Variants in CSMD2 observed in about 807,000 individuals in gnomAD.
The protein encoded by CSMD2 is CUB and Sushi multiple domains 2.
A neutral mutation model predicts 398.5 loss-of-function variants in CSMD2; 130 were observed. That is an observed-to-expected ratio of 0.33 (90% confidence interval 0.28 to 0.38). The LOEUF (loss-of-function observed/expected upper bound fraction) is 0.38, where lower values mean the gene tolerates loss of function less well. CSMD2 is among the 10% of genes least tolerant of loss of function. The probability of loss-of-function intolerance (pLI) is 1.00; values close to 1 mark genes in which losing one functional copy is unlikely to be tolerated. For synonymous variants in CSMD2, 1,828 were observed against 1,908.5 expected (o/e 0.96, Z 1.10); for missense variants, 3,829 against 4,764.9 (o/e 0.80, Z 5.78).
At chr1:33,990,555 C>T (rs1013533365) in intron 3 of CSMD2, among the ~76,000 whole-genome samples, 1 of 152,128 alleles carries the variant, frequency 6.6e-6, no homozygotes, top group Non-Finnish European at 1.5e-5. Context: ...CTCTTTGCTG[C>T]TCTGGGGCTG....
At chr1:33,963,766 T>C (rs1570647995) in intron 3 of CSMD2, among the ~76,000 whole-genome samples, 1 of 152,388 alleles carries the variant, frequency 6.6e-6, no homozygotes, top group East Asian at 1.9e-4. Context: ...TGCATAGTAT[T>C]CCACTGAAGG....
intron 1 of CSMD2, among the ~76,000 whole-genome samples, chr1:34,139,563 G>A (rs184623570): frequency 1.3e-5 from 2 of 152,246 alleles, no homozygotes; most frequent in Non-Finnish European, 2.9e-5. Context: ...GATTTTTGTG[G>A]TAATTATGTT....
intron 10 of CSMD2, 115 bp downstream of exon 10, chr1:33,810,628 A>T: frequency 9.4e-7 from 1 of 1,062,644 alleles, no homozygotes; most frequent in Non-Finnish European, 1.4e-6. Context: ...AAGTAAAAGA[A>T]CTGTCTGCAG....
chr1:33,878,314 C>G (rs1640986985), intron 5 of CSMD2: 1 of 152,254 alleles, frequency 6.6e-6, no homozygotes, highest in Non-Finnish European at 1.5e-5. Context: ...TGTGAGCAAC[C>G]ACACTTCCCC....
At chr1:34,081,134 A>C (rs916933646) in intron 2 of CSMD2, among the ~76,000 whole-genome samples, 2 of 152,146 alleles carry the variant, frequency 1.3e-5, no homozygotes, top group African/African-American at 2.4e-5. Context: ...CACACACACA[A>C]AAATGATTCA....
At chr1:33,697,510 G>C (rs538676482) in intron 24 of CSMD2, among the ~76,000 whole-genome samples, 2 of 152,198 alleles carry the variant, frequency 1.3e-5, no homozygotes, top group Non-Finnish European at 2.9e-5. Context: ...TAAAGATCCT[G>C]TGAAAATGTA....
chr1:34,146,525 G>A (rs1639780572), intron 1 of CSMD2, among the ~76,000 whole-genome samples: 1 of 152,296 alleles, frequency 6.6e-6, no homozygotes, highest in African/African-American at 2.4e-5. Flanking sequence ...ACAGATGTGG[G>A]AGGCCATAGC....
intron 49 of CSMD2, among the ~76,000 whole-genome samples, chr1:33,576,698 T>C (rs1638265484): frequency 6.6e-6 from 1 of 152,222 alleles, no homozygotes; most frequent in Non-Finnish European, 1.5e-5. Flanking sequence ...TGATCCTATT[T>C]TTATAATCAA....
chr1:33,678,877 A>G (rs1480180387), intron 25 of CSMD2, among the ~76,000 whole-genome samples: 3 of 152,220 alleles, frequency 2.0e-5, no homozygotes, highest in East Asian at 3.8e-4. Flanking sequence ...GTTATTTTCT[A>G]AAGTGGAAAA....
intron 17 of CSMD2, 68 bp downstream of exon 17, chr1:33,725,281 A>G (rs1557794941): frequency 4.5e-6 from 6 of 1,334,582 alleles, no homozygotes; most frequent in Non-Finnish European, 5.4e-6. Flanking sequence ...GGTGGAGCAC[A>G]GTCCTGAGGC....
chr1:33,614,573 G>A lies in CSMD2; in HGVS notation c.6064C>T (p.Pro2022Ser). The change falls in exon 40 of 71, where the codon CCC (proline) becomes TCC (serine). Residue 2022 changes from proline to serine, a missense_variant. This residue lies in a region of CSMD2 where 2,001 missense variants were observed against 2,567.1 expected (regional missense o/e 0.78). Transcript: ENST00000373381. Reference protein sequence around the residue: ...VEEMEGVILSPGFPGNYPSNM... With the variant: ...VEEMEGVILSSGFPGNYPSNM... The stretch of plus-strand genomic sequence containing the variant: ...CTGGGGTAGTTGCCTGGGAAGCCGG[G>A]GCTCAGGATCACCCCCTCCATCTCC... 6.2e-7 allele frequency: 1 copy of A among 1,613,178 alleles called. No homozygotes were observed. Among genetic ancestry groups the A allele is most frequent in the Non-Finnish European group, 8.5e-7 (1 of 1,179,392 alleles).
At chr1:33,662,834 G>A (rs1281899597) in intron 26 of CSMD2, 56 bp downstream of exon 26, 8 of 1,478,998 alleles carry the variant, frequency 5.4e-6, no homozygotes, top group Non-Finnish European at 6.6e-6. Flanking sequence ...CCAGAGGAAG[G>A]TGGGTGCCAT....
At chr1:33,966,723 C>T (rs1053443870) in intron 3 of CSMD2, among the ~76,000 whole-genome samples, 2 of 152,128 alleles carry the variant, frequency 1.3e-5, no homozygotes, top group African/African-American at 4.8e-5. Flanking sequence ...TGTTTGAAAA[C>T]AAGAAAAAGA....
intron 13 of CSMD2, among the ~76,000 whole-genome samples, chr1:33,756,520 G>C (rs1244047266): frequency 1.3e-5 from 2 of 152,240 alleles, no homozygotes; most frequent in African/African-American, 4.8e-5. Flanking sequence ...GTGGTCTGAT[G>C]ATAAGGAACC....
chr1:34,108,272 T>C (rs1477278266), intron 1 of CSMD2, among the ~76,000 whole-genome samples: 2 of 151,174 alleles, frequency 1.3e-5, no homozygotes, highest in Non-Finnish European at 2.9e-5. Flanking sequence ...AAAACCCTAA[T>C]GAGAGAGAGA....
chr1:33,714,651 G>A lies in CSMD2; in HGVS notation c.3342C>T (p.Thr1114=), dbSNP rs760608600. The A allele has an allele frequency of 5.6e-5, 91 of 1,613,956 alleles. 1 individual carries two copies. In the Middle Eastern group the frequency reaches 6.6e-4, roughly 12 times the overall value. ...SCFPGYRLEG[T]ARITCLGGRR... is the part of the protein sequence containing the mutation. ...TGCCCCCCAGGCACGTGATGCGGGC[G>A]GTGCCCTCCAGACGGTACCCGGGGA... Residue 1114 remains threonine, a synonymous_variant, in exon 21 of 71, where the codon ACC becomes ACT. Transcript: ENST00000373381.
Position 33,580,832 on chromosome 1 carries a change from G to C in CSMD2, c.7308C>G (p.Thr2436=), listed in dbSNP as rs1397426342. The C allele has an allele frequency of 6.2e-7, 1 of 1,614,168 alleles. No homozygotes were observed. The change falls in exon 48 of 71, where the codon ACC becomes ACG. Residue 2436 remains threonine (T), a synonymous_variant. Coordinates refer to ENST00000373381, the MANE Select transcript of CSMD2 (RefSeq NM_001281956.2). ...SGNYSAPLIV[T]SSSNSVYLRW... ...GCAGGTACACAGAGTTGCTTGAGCTGGTGACAATCAGGGGAGCTGAGTAAT... is the reference window on the plus strand; with the variant it reads ...GCAGGTACACAGAGTTGCTTGAGCTCGTGACAATCAGGGGAGCTGAGTAAT...
chr1:33,826,043 C>G (rs747610387), intron 6 of CSMD2, among the ~76,000 whole-genome samples: 6 of 152,182 alleles, frequency 3.9e-5, no homozygotes, highest in Non-Finnish European at 8.8e-5. Flanking sequence ...GGGACTCCCC[C>G]GGTGGCCTCT....
At chr1:34,081,612 G>T (rs866284377) in intron 2 of CSMD2, among the ~76,000 whole-genome samples, 8 of 152,134 alleles carry the variant, frequency 5.3e-5, no homozygotes, top group Admixed American at 4.6e-4. Context: ...TGGAGACGGG[G>T]TTTCGCCGTG....
Sources: allele counts gnomAD v4.1 joint callset (sites outside exome capture counted in the v4.1 genomes callset), GRCh38; gene constraint gnomAD v4.1.1; regional missense constraint gnomAD v4.1.1; transcripts MANE v1.5; gene names NCBI Gene and HGNC (gene_info 2026-07-23, HGNC 2026-07-21).